GABBR2: variants seen among roughly 807,000 people sequenced by gnomAD.
GABBR2 encodes the protein gamma-aminobutyric acid type B receptor subunit 2.
Under a neutral mutation model 105.6 loss-of-function variants are expected in GABBR2, and 23 were observed. The observed-to-expected ratio is 0.22, with a 90% CI of 0.16 to 0.31. GABBR2 has a LOEUF of 0.31. Among genes scored for constraint, GABBR2 ranks in the 10% least tolerant of loss-of-function variants. The pLI, the probability that GABBR2 is intolerant of heterozygous loss-of-function variation, is 1.00. For synonymous variants in GABBR2, 478 were observed against 499.7 expected (o/e 0.96, Z 0.58); for missense variants, 734 against 1,245.5 (o/e 0.59, Z 6.18).
At chr9:98,542,507 C>T (rs564638438) in intron 2 of GABBR2, among the ~76,000 whole-genome samples, 2 of 152,150 alleles carry the variant, frequency 1.3e-5, no homozygotes, top group East Asian at 1.9e-4. Context: ...GGGGTTATTT[C>T]GATTATTTCT....
chr9:98,434,220 G>T (rs1338602881), intron 7 of GABBR2, among the ~76,000 whole-genome samples: 8 of 152,212 alleles, frequency 5.3e-5, no homozygotes, highest in Admixed American at 2.0e-4. Flanking sequence ...TCAGCTTTGG[G>T]ACTTGGACTG....
At chr9:98,342,937 T>C (rs1490770654) in intron 13 of GABBR2, among the ~76,000 whole-genome samples, 8 of 152,338 alleles carry the variant, frequency 5.3e-5, no homozygotes, top group East Asian at 3.9e-4. Context: ...TGCTTTAGGA[T>C]TGACTTTTTT....
chr9:98,311,449 T>G (rs1830635495), intron 13 of GABBR2, among the ~76,000 whole-genome samples: 2 of 152,190 alleles, frequency 1.3e-5, no homozygotes, highest in South Asian at 4.1e-4. Flanking sequence ...TTCATGCCTC[T>G]CCAATTTGAG....
intron 11 of GABBR2, among the ~76,000 whole-genome samples, chr9:98,380,390 G>T (rs1831951047): frequency 6.6e-6 from 1 of 152,234 alleles, no homozygotes; most frequent in South Asian, 2.1e-4. Context: ...TCGAGCTGGG[G>T]TTTCTGCCTC....
At chr9:98,446,425 C>T (rs1027310029) in intron 7 of GABBR2, among the ~76,000 whole-genome samples, 1 of 152,192 alleles carries the variant, frequency 6.6e-6, no homozygotes, top group Admixed American at 6.5e-5. Flanking sequence ...TCACACAGCT[C>T]TAAGAGATAC....
At chr9:98,574,016 G>A (rs1485880145) in intron 2 of GABBR2, among the ~76,000 whole-genome samples, 2 of 152,218 alleles carry the variant, frequency 1.3e-5, no homozygotes, top group Non-Finnish European at 2.9e-5. Context: ...GGGCGGCACT[G>A]AAGGAAAGGG....
chr9:98,565,900 C>T (rs1273399940), intron 2 of GABBR2, among the ~76,000 whole-genome samples: 1 of 152,226 alleles, frequency 6.6e-6, no homozygotes, highest in African/African-American at 2.4e-5. Flanking sequence ...GCACCACACA[C>T]CTTACCAAAC....
At chr9:98,420,269 C>T (rs761786027) in intron 7 of GABBR2, among the ~76,000 whole-genome samples, 14 of 152,260 alleles carry the variant, frequency 9.2e-5, no homozygotes, top group South Asian at 2.1e-4. Context: ...GGAGCCCCTC[C>T]GTTGTCCCAT....
intron 2 of GABBR2, among the ~76,000 whole-genome samples, chr9:98,570,300 C>A (rs1010535480): frequency 6.6e-6 from 1 of 152,210 alleles, no homozygotes; most frequent in Non-Finnish European, 1.5e-5. Context: ...AATGCATCTA[C>A]AATTTAATAA....
rs186487721 is a variant in GABBR2, at chr9:98,392,302, C to G, written c.1378+1873G>C. Reference sequence around the variant, plus strand: ...TTTTGTGTCTTTTATTTGTTTGGCGCTTGAATCTTTTCTTCAATTCGTAAA... The same window carrying G: ...TTTTGTGTCTTTTATTTGTTTGGCGGTTGAATCTTTTCTTCAATTCGTAAA... On this transcript the variant is annotated intron_variant, in intron 9 of 18. Coordinates refer to ENST00000259455, the MANE Select transcript of GABBR2 (RefSeq NM_005458.8). Among the ~76,000 whole-genome samples, 19 of 152,286 alleles carry G rather than the reference C, an allele frequency of 1.2e-4. 1 individual carries two copies. In the South Asian group the frequency reaches 2.3e-3, roughly 18 times the overall value.
chr9:98,589,142 G>A (rs1829114385), intron 1 of GABBR2, among the ~76,000 whole-genome samples: 1 of 152,310 alleles, frequency 6.6e-6, no homozygotes, highest in East Asian at 1.9e-4. Context: ...GACTACAGGT[G>A]ATCTCTGAGC....
chr9:98,668,873 A>G (rs1005509325), intron 1 of GABBR2, among the ~76,000 whole-genome samples: 1 of 148,888 alleles, frequency 6.7e-6, no homozygotes, highest in African/African-American at 2.5e-5. Context: ...AGGATAAATT[A>G]TATTCCATTT....
At chr9:98,460,712 A>G (rs1826409473) in intron 6 of GABBR2, among the ~76,000 whole-genome samples, 1 of 152,180 alleles carries the variant, frequency 6.6e-6, no homozygotes. Flanking sequence ...GTGAGAAAAG[A>G]GAGACTAGAC....
At chr9:98,523,860 G>T (rs1298980061) in intron 3 of GABBR2, among the ~76,000 whole-genome samples, 1 of 152,098 alleles carries the variant, frequency 6.6e-6, no homozygotes, top group Non-Finnish European at 1.5e-5. Flanking sequence ...CTTGATCCAG[G>T]TTTAATTTCA....
chr9:98,608,885 T>G (rs1354993164), intron 1 of GABBR2, among the ~76,000 whole-genome samples: 1 of 152,206 alleles, frequency 6.6e-6, no homozygotes, highest in African/African-American at 2.4e-5. Context: ...GAAACTTTCT[T>G]TAACTCCTTT....
intron 13 of GABBR2, 50 bp downstream of exon 13, chr9:98,362,665 G>T: frequency 7.0e-7 from 1 of 1,434,572 alleles, no homozygotes; most frequent in East Asian, 2.6e-5. Context: ...GTCCTCATGT[G>T]CCAGGGGCTG....
At chr9:98,378,661 C>A (rs2131474735) in intron 11 of GABBR2, among the ~76,000 whole-genome samples, 1 of 152,334 alleles carries the variant, frequency 6.6e-6, no homozygotes, top group Non-Finnish European at 1.5e-5. Flanking sequence ...TCCAGACCCC[C>A]AGGTGGCTCA....
chr9:98,569,412 C>T (rs548319296), intron 2 of GABBR2, among the ~76,000 whole-genome samples: 11 of 152,290 alleles, frequency 7.2e-5, no homozygotes, highest in African/African-American at 2.4e-4. Flanking sequence ...GTAAAAAACC[C>T]TGTTGTCCAT....
chr9:98,335,128 C>T (rs2131396933), intron 13 of GABBR2, among the ~76,000 whole-genome samples: 1 of 152,164 alleles, frequency 6.6e-6, no homozygotes. Flanking sequence ...ATAGAAACCT[C>T]CCTTTTTTCC....
Sources: allele counts gnomAD v4.1 joint callset (sites outside exome capture counted in the v4.1 genomes callset), GRCh38; gene constraint gnomAD v4.1.1; transcripts MANE v1.5; gene names NCBI Gene and HGNC (gene_info 2026-07-23, HGNC 2026-07-21).